The following SVOPL variants were observed in gnomAD, a reference collection of about 807,000 sequenced individuals.
SVOPL encodes putative transporter SVOPL.
A neutral mutation model predicts 61.0 loss-of-function variants in SVOPL; 60 were observed. The observed-to-expected ratio is 0.98, with a 90% CI of 0.80 to 1.22. The LOEUF (loss-of-function observed/expected upper bound fraction) is 1.22, where lower values mean the gene tolerates loss of function less well. SVOPL is among the 50% of genes most tolerant of loss of function. SVOPL has a pLI of 0.00. For synonymous variants in SVOPL, 279 were observed against 250.0 expected (o/e 1.12, Z -1.09); for missense variants, 662 against 643.9 (o/e 1.03, Z -0.30).
Position 138,635,149 on chromosome 7 carries a change from A to G in SVOPL, c.790-5027T>C, listed in dbSNP as rs926857395. Among the ~76,000 whole-genome samples the G allele has an allele frequency of 3.3e-5, 5 of 151,876 alleles. No individual in the cohort carries two copies. In the South Asian group the frequency reaches 6.2e-4, roughly 19 times the overall value. On this transcript the variant is annotated intron_variant, in intron 9 of 15. Coordinates refer to ENST00000674285, the MANE Select transcript of SVOPL (RefSeq NM_001139456.2). ...TAGCTGGGTGTGGTGGCACATGCCTATAATCCCAGCTACTTGGGAGGCTGA... is the reference window on the plus strand; with the variant it reads ...TAGCTGGGTGTGGTGGCACATGCCTGTAATCCCAGCTACTTGGGAGGCTGA...
At chr7:138,621,022 T>C (rs774026898) in intron 14 of SVOPL, 24 bp downstream of exon 14, 24 of 1,607,684 alleles carry the variant, frequency 1.5e-5, no homozygotes, top group East Asian at 2.2e-5. Flanking sequence ...ACTCTCTCTC[T>C]CCCTGCAGGG....
At position 138,627,372 on chromosome 7, in the gene SVOPL, G is replaced by C. The variant is rs749944469; in HGVS notation, c.1159C>G (p.Leu387Val). Residue 387 changes from leucine to valine, a missense_variant, in exon 12 of 16, where the codon CTC becomes GTC. Coordinates refer to ENST00000674285, the MANE Select transcript of SVOPL (RefSeq NM_001139456.2). ...TACCTTGAAGTGCAAATGTTGAGGA[G>C]AAGGAAGAATAAAGCCGTGCATCCC... ...TMGCTALFFL[L>V]LNICTSSAGL... 2.5e-6 allele frequency: 4 copies of C among 1,613,390 alleles called. No homozygotes were observed. Among genetic ancestry groups the C allele is most frequent in the Non-Finnish European group, 3.4e-6 (4 of 1,179,352 alleles).
intron 9 of SVOPL, among the ~76,000 whole-genome samples, chr7:138,642,146 T>C (rs570431201): frequency 7.3e-5 from 11 of 151,566 alleles, no homozygotes; most frequent in African/African-American, 1.9e-4. Context: ...TCTTGAGAAA[T>C]AGAAATACAT....
At chr7:138,700,087 G>C (rs1803156490) in intron 1 of SVOPL, among the ~76,000 whole-genome samples, 1 of 152,000 alleles carries the variant, frequency 6.6e-6, no homozygotes, top group Non-Finnish European at 1.5e-5. Flanking sequence ...CTTGGAAAGG[G>C]GCTTACTCTC....
At chr7:138,674,440 C>G (rs1413581885) in intron 3 of SVOPL, among the ~76,000 whole-genome samples, 1 of 151,906 alleles carries the variant, frequency 6.6e-6, no homozygotes, top group African/African-American at 2.4e-5. Flanking sequence ...CATCGTAAGA[C>G]CAGTCGAAAG....
At chr7:138,684,974 C>T (rs576992519) in intron 1 of SVOPL, among the ~76,000 whole-genome samples, 145 of 150,104 alleles carry the variant, frequency 9.7e-4, no homozygotes, top group African/African-American at 3.5e-3. Context: ...TTCTTGTTGC[C>T]CAGGCTAGAG....
At chr7:138,602,240 A>G (rs1798554140) in intron 14 of SVOPL, among the ~76,000 whole-genome samples, 1 of 152,128 alleles carries the variant, frequency 6.6e-6, no homozygotes, top group South Asian at 2.1e-4. Flanking sequence ...CATGTGGACA[A>G]AGGCGTGTTG....
At chr7:138,599,279 C>A (rs542511025) in intron 14 of SVOPL, among the ~76,000 whole-genome samples, 17 of 151,584 alleles carry the variant, frequency 1.1e-4, no homozygotes, top group African/African-American at 3.9e-4. Flanking sequence ...AATTAGGCAA[C>A]TTCTGAAAAT....
intron 9 of SVOPL, among the ~76,000 whole-genome samples, chr7:138,642,162 CTT>C (rs1407747426): frequency 7.3e-5 from 11 of 150,900 alleles, no homozygotes; most frequent in Admixed American, 2.0e-4. Context: ...TACATTTACT[CTT>C]GAGACATGAA....
At chr7:138,678,295 C>T in intron 3 of SVOPL, 139 bp downstream of exon 3, 1 of 755,320 alleles carries the variant, frequency 1.3e-6, no homozygotes, top group Non-Finnish European at 2.0e-6. Context: ...GGTGCCCCAT[C>T]CACCTTGGGC....
rs1315003974 is a variant in SVOPL at position 138,700,543 on chromosome 7, C to G, written c.-35+635G>C. Among the ~76,000 whole-genome samples the G allele has an allele frequency of 3.3e-5, 5 of 151,958 alleles. No homozygotes were observed. The South Asian group carries it at 1.0e-3, about 32-fold the overall frequency. On this transcript the variant is annotated intron_variant, in intron 1 of 15. Coordinates refer to ENST00000674285, the MANE Select transcript of SVOPL (RefSeq NM_001139456.2). ...TTTAGTAGAGACGGGGTTTCACCAT[C>G]TTGGTCAGGCTGGTCTTGAACTCCT...
At position 138,644,752 on chromosome 7, in the gene SVOPL, C is replaced by T. The variant is rs745484937; in HGVS notation, c.754G>A (p.Val252Ile). 1 of 1,614,016 alleles carries T rather than the reference C, an allele frequency of 6.2e-7. No homozygotes were observed. The highest frequency in any genetic ancestry group is 1.7e-5 in the Admixed American group (1 of 59,984). Reference sequence around the variant, plus strand: ...TCCACCAGCTTCCCCTCCGGCATGACCGAGCGGTTCATCTTGGCAACGCGC... The same window carrying T: ...TCCACCAGCTTCCCCTCCGGCATGATCGAGCGGTTCATCTTGGCAACGCGC... Reference protein sequence around the residue: ...LERVAKMNRSVMPEGKLVEPV... With the variant: ...LERVAKMNRSIMPEGKLVEPV... The change falls in exon 9 of 16, where the codon GTC becomes ATC. Residue 252 changes from valine to isoleucine, a missense_variant. Physicochemically the swap from Val to Ile is conservative, Grantham distance 29. Coordinates refer to ENST00000674285, the MANE Select transcript of SVOPL (RefSeq NM_001139456.2).
chr7:138,602,549 G>C (rs1414284347), intron 14 of SVOPL, among the ~76,000 whole-genome samples: 1 of 151,562 alleles, frequency 6.6e-6, no homozygotes, highest in Non-Finnish European at 1.5e-5. Flanking sequence ...GCTGTAAAGA[G>C]GTGTCTGACT....
intron 13 of SVOPL, among the ~76,000 whole-genome samples, chr7:138,624,107 A>G (rs192201906): frequency 5.3e-5 from 8 of 152,306 alleles, no homozygotes; most frequent in African/African-American, 1.9e-4. Flanking sequence ...GGCGTGAGCC[A>G]CTGCACCCAG....
At chr7:138,620,034 C>T (rs938216642) in intron 14 of SVOPL, among the ~76,000 whole-genome samples, 2 of 151,668 alleles carry the variant, frequency 1.3e-5, no homozygotes, top group Non-Finnish European at 2.9e-5. Context: ...CACTCCCAGA[C>T]TGGGCTCGGC....
chr7:138,692,762 CT>C (rs1254314253), intron 1 of SVOPL, among the ~76,000 whole-genome samples: 5 of 152,150 alleles, frequency 3.3e-5, no homozygotes, highest in Non-Finnish European at 1.5e-5. Context: ...AAAAAAGGGG[CT>C]GTTTATTCAT....
chr7:138,641,862 A>AT (rs1800819069), intron 9 of SVOPL, among the ~76,000 whole-genome samples: 1 of 127,642 alleles, frequency 7.8e-6, no homozygotes, highest in Non-Finnish European at 1.7e-5. Flanking sequence ...ATATATAGTC[A>AT]ATGAGTGTGT....
intron 14 of SVOPL, 88 bp downstream of exon 14, chr7:138,620,958 T>G: frequency 8.3e-7 from 1 of 1,212,046 alleles, no homozygotes. Flanking sequence ...ACAGAAATCC[T>G]CCGTTCTGCC....
intron 14 of SVOPL, among the ~76,000 whole-genome samples, chr7:138,601,762 T>C (rs770338522): frequency 2.0e-5 from 3 of 152,124 alleles, no homozygotes; most frequent in Non-Finnish European, 2.9e-5. Context: ...AATTATTCAA[T>C]AGACTTTTTC....
Sources: gnomAD v4.1 joint callset for allele counts (sites outside exome capture counted in the v4.1 genomes callset) on GRCh38, gnomAD v4.1.1 for gene constraint, MANE v1.5 for transcripts, NCBI Gene and HGNC (gene_info 2026-07-23, HGNC 2026-07-21) for gene names.